Variants in WWOX observed in about 807,000 individuals in gnomAD.
WWOX encodes WW domain containing oxidoreductase.
WWOX carries 69 observed loss-of-function variants against 46.2 expected under a neutral mutation model. That is an observed-to-expected ratio of 1.49 (90% CI 1.23 to 1.82). The LOEUF (loss-of-function observed/expected upper bound fraction) is 1.82, where lower values mean the gene tolerates loss of function less well. WWOX is among the 40% of genes most tolerant of loss of function. The probability of loss-of-function intolerance (pLI) is 0.00; values close to 1 mark genes in which losing one functional copy is unlikely to be tolerated. For missense variants in WWOX, 919 were observed against 542.6 expected, an observed-to-expected ratio of 1.69 and a Z score of -6.89; for synonymous variants, 359 against 202.6, an observed-to-expected ratio of 1.77 and a Z score of -6.56.
At chr16:78,119,369 T>C (rs1394567326) in intron 4 of WWOX, among the ~76,000 whole-genome samples, 2 of 152,218 alleles carry the variant, frequency 1.3e-5, no homozygotes, top group African/African-American at 4.8e-5. Context: ...ATCAGTCAGC[T>C]AATTTGGCTA....
intron 8 of WWOX, among the ~76,000 whole-genome samples, chr16:79,135,683 A>G (rs1400104926): frequency 1.3e-5 from 2 of 152,206 alleles, no homozygotes; most frequent in African/African-American, 4.8e-5. Context: ...CACACCCACC[A>G]AATCTAAGTG....
At chr16:79,110,292 C>G (rs927552092) in intron 8 of WWOX, among the ~76,000 whole-genome samples, 1 of 152,134 alleles carries the variant, frequency 6.6e-6, no homozygotes, top group African/African-American at 2.4e-5. Flanking sequence ...ACTTCCCCGC[C>G]ACCTCTTCTC....
At chr16:78,797,838 A>T (rs1178912546) in intron 8 of WWOX, among the ~76,000 whole-genome samples, 2 of 152,112 alleles carry the variant, frequency 1.3e-5, no homozygotes, top group Non-Finnish European at 1.5e-5. Flanking sequence ...AAATACAAAA[A>T]TTAGCTGCGC....
chr16:78,619,610 A>G (rs1260084543), intron 8 of WWOX, among the ~76,000 whole-genome samples: 1 of 151,850 alleles, frequency 6.6e-6, no homozygotes, highest in African/African-American at 2.4e-5. Context: ...GTGATAGTAA[A>G]AAGAACCATG....
intron 8 of WWOX, among the ~76,000 whole-genome samples, chr16:79,144,821 A>G: frequency 6.6e-6 from 1 of 152,210 alleles, no homozygotes; most frequent in Non-Finnish European, 1.5e-5. Context: ...GAGAGAGACC[A>G]CATTTATGTA....
At chr16:78,833,723 C>A (rs75020473) in intron 8 of WWOX, among the ~76,000 whole-genome samples, 5,487 of 152,316 alleles carry the variant, frequency 0.036, 120 homozygotes, top group Non-Finnish European at 0.049. Flanking sequence ...CCTCAGCATC[C>A]TCTGTGAAAC....
At chr16:78,210,346 C>T (rs559348952) in intron 5 of WWOX, among the ~76,000 whole-genome samples, 12 of 152,236 alleles carry the variant, frequency 7.9e-5, no homozygotes, top group Admixed American at 6.5e-4. Context: ...TTTTTAATGC[C>T]CTGCATCATG....
chr16:78,587,178 A>T (rs1051176724), intron 8 of WWOX, among the ~76,000 whole-genome samples: 2 of 139,554 alleles, frequency 1.4e-5, no homozygotes, highest in East Asian at 4.2e-4. Flanking sequence ...AGCAGATGCC[A>T]CCATGCCTGG....
At chr16:78,154,943 C>T (rs141103957) in intron 4 of WWOX, among the ~76,000 whole-genome samples, 475 of 152,146 alleles carry the variant, frequency 3.1e-3, no homozygotes, top group Non-Finnish European at 3.6e-3. Context: ...AGTGGCCTGG[C>T]GGGTAATGCC....
In WWOX at chr16:78,707,747, G is replaced by C. The variant is rs2048353588; in HGVS notation, c.1056+274995G>C. Among the ~76,000 whole-genome samples the C allele has an allele frequency of 3.3e-5, 5 of 152,054 alleles. No homozygotes were observed. The South Asian group carries it at 8.3e-4, about 25-fold the overall frequency. On this transcript the variant is annotated intron_variant, in intron 8 of 8. Coordinates refer to ENST00000566780, the MANE Select transcript of WWOX (RefSeq NM_016373.4). ...AAAATACAAAAATTAGCCTGGTGTGGTGGTGCACACCTGTAGTCCCAGCTA... is the reference window on the plus strand; with the variant it reads ...AAAATACAAAAATTAGCCTGGTGTGCTGGTGCACACCTGTAGTCCCAGCTA...
At chr16:78,735,252 T>A (rs1049239512) in intron 8 of WWOX, among the ~76,000 whole-genome samples, 1 of 152,136 alleles carries the variant, frequency 6.6e-6, no homozygotes, top group South Asian at 2.1e-4. Context: ...GGACTGAAAC[T>A]ACACATCAGT....
chr16:78,899,802 T>G (rs2044783683), intron 8 of WWOX, among the ~76,000 whole-genome samples: 1 of 152,232 alleles, frequency 6.6e-6, no homozygotes. Flanking sequence ...TATATTTGTG[T>G]TGTAGCTTGG....
intron 8 of WWOX, among the ~76,000 whole-genome samples, chr16:78,932,537 C>T (rs576801766): frequency 3.3e-5 from 5 of 152,198 alleles, no homozygotes; most frequent in Admixed American, 6.5e-5. Flanking sequence ...TGCCGGCAGG[C>T]ACACCTGCCA....
intron 8 of WWOX, among the ~76,000 whole-genome samples, chr16:78,765,050 G>A (rs1176428641): frequency 6.6e-6 from 1 of 152,224 alleles, no homozygotes; most frequent in Admixed American, 6.5e-5. Flanking sequence ...ACAGGACAGT[G>A]GAAGGGAAGT....
intron 8 of WWOX, among the ~76,000 whole-genome samples, chr16:78,721,387 T>C (rs2048685496): frequency 6.6e-6 from 1 of 152,218 alleles, no homozygotes; most frequent in Non-Finnish European, 1.5e-5. Flanking sequence ...AAAATCTGTG[T>C]AGTGACAACA....
intron 8 of WWOX, among the ~76,000 whole-genome samples, chr16:79,161,300 C>G (rs867740779): frequency 6.6e-6 from 1 of 152,156 alleles, no homozygotes; most frequent in Non-Finnish European, 1.5e-5. Context: ...CTCCTCACCT[C>G]CTAAGCCTCA....
chr16:78,159,014 T>C (rs1008588390), intron 4 of WWOX, among the ~76,000 whole-genome samples: 1 of 152,158 alleles, frequency 6.6e-6, no homozygotes, highest in Non-Finnish European at 1.5e-5. Context: ...CTCATATAAA[T>C]TGTATCATGT....
intron 8 of WWOX, among the ~76,000 whole-genome samples, chr16:78,782,921 C>G (rs867461582): frequency 6.6e-6 from 1 of 152,108 alleles, no homozygotes; most frequent in Non-Finnish European, 1.5e-5. Flanking sequence ...ATTACAAAGG[C>G]TCTTTTGACT....
chr16:78,504,331 G>C (rs1209990545), intron 8 of WWOX, among the ~76,000 whole-genome samples: 1 of 152,196 alleles, frequency 6.6e-6, no homozygotes, highest in African/African-American at 2.4e-5. Flanking sequence ...TTTTCTGAAA[G>C]AAATTCCCAG....
Sources: allele counts gnomAD v4.1 joint callset (sites outside exome capture counted in the v4.1 genomes callset), GRCh38; gene constraint gnomAD v4.1.1; transcripts MANE v1.5; gene names NCBI Gene and HGNC (gene_info 2026-07-23, HGNC 2026-07-21).